The following EIF2AK2 variants were observed in gnomAD, a reference collection of about 807,000 sequenced individuals.
The protein encoded by EIF2AK2 is interferon-induced, double-stranded RNA-activated protein kinase.
Under a neutral mutation model 70.5 loss-of-function variants are expected in EIF2AK2, and 40 were observed. The ratio of observed to expected loss-of-function variants is 0.57; its 90% CI spans 0.44 to 0.74. EIF2AK2 has a LOEUF of 0.74. Ranked by LOEUF, EIF2AK2 falls within the 30% of genes least tolerant of loss-of-function variation. EIF2AK2 has a pLI of 0.00. For missense variants in EIF2AK2, 555 were observed against 644.3 expected (o/e 0.86, Z 1.50); for synonymous variants, 198 against 220.9 (o/e 0.90, Z 0.92).
intron 6 of EIF2AK2, among the ~76,000 whole-genome samples, chr2:37,138,788 A>C (rs952905667): frequency 4.0e-5 from 6 of 151,870 alleles, no homozygotes; most frequent in Admixed American, 1.3e-4. Context: ...ATCACAGGGC[A>C]GATATTTTGT....
intron 13 of EIF2AK2, among the ~76,000 whole-genome samples, chr2:37,119,198 C>A (rs138501052): frequency 6.6e-6 from 1 of 152,262 alleles, no homozygotes; most frequent in Non-Finnish European, 1.5e-5. Context: ...CTTGTCCGGA[C>A]CATAAAAGCC....
At chr2:37,112,220 G>C (rs1020059329) in intron 14 of EIF2AK2, among the ~76,000 whole-genome samples, 4 of 152,078 alleles carry the variant, frequency 2.6e-5, no homozygotes, top group Non-Finnish European at 5.9e-5. Context: ...CTGGGTCTTG[G>C]AATGAAGGAG....
Position 37,123,469 on chromosome 2 carries a change from C to T in EIF2AK2, c.909-805G>A, listed in dbSNP as rs112052557. On this transcript the variant is annotated intron_variant, in intron 11 of 16. Coordinates refer to ENST00000233057, the MANE Select transcript of EIF2AK2 (RefSeq NM_001135651.3). ...TTTCTGTAGAGATGGGGTTTTGCCA[C>T]GCTGCCCATGCTGGTCTCAAACTCC... is the stretch of plus-strand genomic sequence containing the variant. 6.9e-3 allele frequency among the ~76,000 whole-genome samples: 1,046 copies of T among 152,112 alleles called. 4 individuals are homozygous for T. Among genetic ancestry groups the T allele is most frequent in the Non-Finnish European group, 0.012 (783 of 67,988 alleles).
intron 11 of EIF2AK2, among the ~76,000 whole-genome samples, chr2:37,123,987 T>C (rs1674645137): frequency 1.3e-5 from 2 of 152,098 alleles, no homozygotes; most frequent in African/African-American, 4.8e-5. Context: ...CTTTTTTTTT[T>C]GAGACAGGGT....
chr2:37,124,787 G>T (rs1674675524), intron 11 of EIF2AK2, among the ~76,000 whole-genome samples: 1 of 151,208 alleles, frequency 6.6e-6, no homozygotes, highest in African/African-American at 2.4e-5. Flanking sequence ...TAGTGCAGTG[G>T]TGTGACCATG....
At chr2:37,132,274 C>T (rs1336911157) in intron 10 of EIF2AK2, among the ~76,000 whole-genome samples, 2 of 151,794 alleles carry the variant, frequency 1.3e-5, no homozygotes, top group African/African-American at 4.8e-5. Context: ...TCATACAAAA[C>T]AAATTAGTCC....
At chr2:37,109,378 C>A in intron 14 of EIF2AK2, 83 bp from the exon 15 acceptor site, 1 of 1,148,564 alleles carries the variant, frequency 8.7e-7, no homozygotes, top group South Asian at 1.4e-5. Flanking sequence ...AGTTATTTGA[C>A]CAAAACATCT....
At position 37,111,798 on chromosome 2, in the gene EIF2AK2, C is replaced by T. The variant is rs561559037; in HGVS notation, c.1378-2503G>A. On this transcript the variant is annotated intron_variant, in intron 14 of 16. Transcript: ENST00000233057. The stretch of plus-strand genomic sequence containing the variant: ...ACCTGAGCCAAGGAGGTCGAGGCTG[C>T]GCAGTGGTGAGCTATGATTGTGCCA... Among the ~76,000 whole-genome samples the T allele has an allele frequency of 1.5e-4, 21 of 139,316 alleles. No individual in the cohort carries two copies. The South Asian group carries it at 3.0e-3, about 20-fold the overall frequency. The allele number at this position is 139,316 out of a possible 152,430, so 91.4% of individuals were successfully genotyped here.
chr2:37,127,156 G>T (rs1302209853), intron 10 of EIF2AK2, among the ~76,000 whole-genome samples: 2 of 151,886 alleles, frequency 1.3e-5, no homozygotes, highest in Non-Finnish European at 2.9e-5. Flanking sequence ...CTCAAGCTTC[G>T]TGTTCCATCA....
intron 1 of EIF2AK2, among the ~76,000 whole-genome samples, chr2:37,151,036 T>G (rs912359671): frequency 1.3e-4 from 20 of 152,166 alleles, no homozygotes; most frequent in African/African-American, 4.1e-4. Context: ...ACTTTGGATT[T>G]GGTGATAAAA....
chr2:37,106,089 A>G lies in EIF2AK2; in HGVS notation c.*1184T>C, dbSNP rs1673956133. On this transcript the variant is annotated 3_prime_UTR_variant, in exon 17 of 17. Transcript: ENST00000233057. ...TTACCTTTGAAAGTCCATTTCCCCA[A>G]TCACATCATTCCCCTCCCTCAAAGA... 1 of 152,216 alleles carries G rather than the reference A, an allele frequency of 6.6e-6. No individual in the cohort carries two copies. Among genetic ancestry groups the G allele is most frequent in the Admixed American group, 6.5e-5 (1 of 15,274 alleles). The allele number at this position is 152,216 out of a possible 1,614,324, so 9.4% of individuals were successfully genotyped here. A position where few individuals can be genotyped will look rare whatever the true frequency, so the allele number is the denominator to read the frequency against.
At chr2:37,154,528 T>A (rs1464550044) in intron 1 of EIF2AK2, among the ~76,000 whole-genome samples, 3 of 152,014 alleles carry the variant, frequency 2.0e-5, no homozygotes, top group Non-Finnish European at 4.4e-5. Flanking sequence ...CTCCTCTCCC[T>A]GTCTTAGCTT....
At chr2:37,151,619 A>G (rs1459316802) in intron 1 of EIF2AK2, among the ~76,000 whole-genome samples, 1 of 152,226 alleles carries the variant, frequency 6.6e-6, no homozygotes, top group African/African-American at 2.4e-5. Context: ...CAGGTTTCCA[A>G]ACAAAGACTT....
intron 4 of EIF2AK2, 94 bp from the exon 5 acceptor site, chr2:37,141,795 T>C: frequency 1.6e-6 from 2 of 1,283,822 alleles, no homozygotes; most frequent in Non-Finnish European, 2.1e-6. Flanking sequence ...AAATGAGCAA[T>C]TTGAAAGACA....
intron 1 of EIF2AK2, among the ~76,000 whole-genome samples, chr2:37,155,948 A>AG (rs1002698487): frequency 6.9e-6 from 1 of 144,770 alleles, no homozygotes; most frequent in African/African-American, 2.5e-5. Flanking sequence ...TCAAAAAAAA[A>AG]AAAAAAGAAA....
chr2:37,141,619 A>G lies in EIF2AK2; in HGVS notation c.323T>C (p.Ile108Thr). ...TACAGTTAGTCTTTTCTTCTGGGCAATTCTATTGATAAGGCCTATGTAATT... is the reference window on the plus strand; with the variant it reads ...TACAGTTAGTCTTTTCTTCTGGGCAGTTCTATTGATAAGGCCTATGTAATT... Reference protein sequence around the residue: ...MGNYIGLINRIAQKKRLTVNY... With the variant: ...MGNYIGLINRTAQKKRLTVNY... Residue 108 changes from isoleucine to threonine, a missense_variant, in exon 5 of 17, where the codon ATT (isoleucine) becomes ACT (threonine). Coordinates refer to ENST00000233057, the MANE Select transcript of EIF2AK2 (RefSeq NM_001135651.3). 1 of 1,614,086 alleles carries G rather than the reference A, an allele frequency of 6.2e-7. No individual in the cohort carries two copies. Among genetic ancestry groups the G allele is most frequent in the Non-Finnish European group, 8.5e-7 (1 of 1,179,996 alleles).
At chr2:37,129,446 C>A (rs1039698766) in intron 10 of EIF2AK2, among the ~76,000 whole-genome samples, 15 of 152,128 alleles carry the variant, frequency 9.9e-5, no homozygotes, top group African/African-American at 3.6e-4. Context: ...TAATGAAGCC[C>A]CCCAAACATT....
chr2:37,146,449 CAG>C (rs1675542343), intron 4 of EIF2AK2, among the ~76,000 whole-genome samples: 1 of 152,242 alleles, frequency 6.6e-6, no homozygotes, highest in Non-Finnish European at 1.5e-5. Flanking sequence ...CAATTCCCCA[CAG>C]AGAGTGAGTG....
chr2:37,149,433 C>T (rs199754816), intron 1 of EIF2AK2: 6 of 459,594 alleles, frequency 1.3e-5, no homozygotes, highest in South Asian at 6.9e-5. Context: ...ACGAATTTTT[C>T]ATCTTGGGTG....
Sources: gnomAD v4.1 joint callset for allele counts (sites outside exome capture counted in the v4.1 genomes callset) on GRCh38, gnomAD v4.1.1 for gene constraint, MANE v1.5 for transcripts, NCBI Gene and HGNC (gene_info 2026-07-23, HGNC 2026-07-21) for gene names.